HGF: variants seen among roughly 807,000 people sequenced by gnomAD.
HGF encodes the protein hepatocyte growth factor, also known as fibroblast-derived tumor cytotoxic factor.
HGF carries 39 observed loss-of-function variants against 111.6 expected under a neutral mutation model. The observed-to-expected ratio is 0.35, with a 90% CI of 0.27 to 0.46. HGF has a LOEUF of 0.46. Among genes scored for constraint, HGF ranks in the 20% least tolerant of loss-of-function variants. The pLI, the probability that HGF is intolerant of heterozygous loss-of-function variation, is 1.00. For synonymous variants in HGF, 285 were observed against 294.8 expected, an observed-to-expected ratio of 0.97 and a Z score of 0.34; for missense variants, 735 against 910.5, an observed-to-expected ratio of 0.81 and a Z score of 2.48.
intron 1 of HGF, among the ~76,000 whole-genome samples, chr7:81,765,614 T>A (rs1258248959): frequency 6.6e-6 from 1 of 152,160 alleles, no homozygotes; most frequent in Admixed American, 6.5e-5. Flanking sequence ...AGCCAGTAAC[T>A]AATTACTCAA....
chr7:81,713,394 C>T (rs892042174), intron 11 of HGF, among the ~76,000 whole-genome samples: 24 of 151,878 alleles, frequency 1.6e-4, no homozygotes, highest in African/African-American at 5.6e-4. Flanking sequence ...GGTGTGGTGG[C>T]AGACACCTGT....
chr7:81,716,037 T>C (rs997211410), intron 11 of HGF, among the ~76,000 whole-genome samples: 1 of 152,176 alleles, frequency 6.6e-6, no homozygotes, highest in African/African-American at 2.4e-5. Flanking sequence ...CACAGCTTTA[T>C]AAAAAGGCTT....
In HGF at chr7:81,702,413, A is replaced by G. The variant is rs531222230; in HGVS notation, c.*168T>C. ...AACATTGACAAAATAACACTGACAAACAAAACAACAGAAAACACCCATAAA... is the reference window on the plus strand; with the variant it reads ...AACATTGACAAAATAACACTGACAAGCAAAACAACAGAAAACACCCATAAA... On this transcript the variant is annotated 3_prime_UTR_variant, in exon 18 of 18. Transcript: ENST00000222390. 1.6e-6 allele frequency: 1 copy of G among 609,584 alleles called. No individual in the cohort carries two copies. Among genetic ancestry groups the G allele is most frequent in the Non-Finnish European group, 2.9e-6 (1 of 344,344 alleles). 37.8% of individuals were successfully genotyped at this position (609,584 alleles called of 1,614,324 possible).
chr7:81,756,978 G>C, intron 4 of HGF: 1 of 588,404 alleles, frequency 1.7e-6, no homozygotes. Flanking sequence ...AGGCATTAAG[G>C]TAAGATATTG....
In HGF at chr7:81,700,697, A is replaced by C. The variant is rs2115731562; in HGVS notation, c.*1884T>G. ...TTCTTACTAAAATGGTGTATTATAT[A>C]AGGAAAATAGAAATACCATCAGATA... On this transcript the variant is annotated 3_prime_UTR_variant, in exon 18 of 18. Coordinates refer to ENST00000222390, the MANE Select transcript of HGF (RefSeq NM_000601.6). 1 of 151,758 alleles carries C rather than the reference A, an allele frequency of 6.6e-6. No individual in the cohort carries two copies. Among genetic ancestry groups the C allele is most frequent in the South Asian group, 2.1e-4 (1 of 4,824 alleles). The allele number at this position is 151,758 out of a possible 1,614,324, so 9.4% of individuals were successfully genotyped here.
At chr7:81,761,589 G>GAGTGGGAA (rs1163877094) in intron 2 of HGF, among the ~76,000 whole-genome samples, 2 of 151,680 alleles carry the variant, frequency 1.3e-5, no homozygotes, top group African/African-American at 4.8e-5. Flanking sequence ...GGGAGTGAAA[G>GAGTGGGAA]AGTGGGAAAT....
chr7:81,725,761 G>T, intron 9 of HGF, 129 bp downstream of exon 9: 2 of 1,033,316 alleles, frequency 1.9e-6, no homozygotes, highest in Non-Finnish European at 3.1e-6. Flanking sequence ...CTTCAAACTT[G>T]GTGATTTTGT....
chr7:81,755,733 G>A (rs1788736007), intron 4 of HGF: 1 of 417,626 alleles, frequency 2.4e-6, no homozygotes, highest in African/African-American at 2.1e-5. Flanking sequence ...TCTCAAAAGA[G>A]GACAAAACCA....
At chr7:81,765,007 G>A (rs1188777975) in intron 1 of HGF, among the ~76,000 whole-genome samples, 1 of 151,856 alleles carries the variant, frequency 6.6e-6, no homozygotes, top group Non-Finnish European at 1.5e-5. Context: ...AAATAGAAGA[G>A]TTTTATACAC....
intron 5 of HGF, chr7:81,751,758 AT>A: frequency 9.3e-7 from 1 of 1,078,486 alleles, no homozygotes; most frequent in Non-Finnish European, 1.1e-6. Context: ...TAGAATTAAC[AT>A]TGCTAATGAA....
chr7:81,767,083 C>T (rs963057448), intron 1 of HGF, among the ~76,000 whole-genome samples: 1 of 152,130 alleles, frequency 6.6e-6, no homozygotes, highest in African/African-American at 2.4e-5. Context: ...TGCTAAGATA[C>T]TGACTATTCT....
In HGF at chr7:81,769,726, A is replaced by T. The variant is rs563928806; in HGVS notation, c.88+158T>A. On this transcript the variant is annotated intron_variant, in intron 1 of 17. Coordinates refer to ENST00000222390, the MANE Select transcript of HGF (RefSeq NM_000601.6). ...CAAACAACAACAAAAAAGAATGTCA[A>T]AAAAAGCATAATGAGAGCTTTTAGA... Among the ~76,000 whole-genome samples the T allele has an allele frequency of 2.0e-5, 3 of 152,300 alleles. No homozygotes were observed. In the South Asian group the frequency reaches 6.2e-4, roughly 32 times the overall value.
intron 11 of HGF, among the ~76,000 whole-genome samples, chr7:81,716,943 G>A (rs1030378568): frequency 2.0e-5 from 3 of 152,096 alleles, no homozygotes; most frequent in Non-Finnish European, 4.4e-5. Context: ...AGTCATATTA[G>A]AACTGTGGCC....
chr7:81,722,845 G>GTATATA (rs144391393), intron 9 of HGF, among the ~76,000 whole-genome samples: 7 of 132,628 alleles, frequency 5.3e-5, no homozygotes, highest in Non-Finnish European at 7.7e-5. Context: ...ATTTAAAAAG[G>GTATATA]TATATATATA....
At position 81,702,135 on chromosome 7, in the gene HGF, T is replaced by A. The variant is rs935865465; in HGVS notation, c.*446A>T. The A allele has an allele frequency of 1.3e-5, 3 of 224,058 alleles. No homozygotes were observed. Among genetic ancestry groups the A allele is most frequent in the Non-Finnish European group, 1.8e-5 (2 of 111,750 alleles). 13.9% of individuals were successfully genotyped at this position (224,058 alleles called of 1,614,324 possible). The stretch of plus-strand genomic sequence containing the variant: ...ACTATAACATATAGCATATGAAATG[T>A]AATATAATTTAATATAGGGCTACAA... On this transcript the variant is annotated 3_prime_UTR_variant, in exon 18 of 18. Transcript: ENST00000222390.
At position 81,767,761 on chromosome 7, in the gene HGF, G is replaced by T. The variant is rs143816262; in HGVS notation, c.88+2123C>A. Among the ~76,000 whole-genome samples, 921 of 152,036 alleles carry T rather than the reference G, an allele frequency of 6.1e-3. 10 individuals are homozygous for T. The highest frequency in any genetic ancestry group is 0.046 in the South Asian group (221 of 4,818). Reference sequence around the variant, plus strand: ...GTATATACTTCTTTCCTAACAATGTGTTATTTTACAATACATACAAATATA... The same window carrying T: ...GTATATACTTCTTTCCTAACAATGTTTTATTTTACAATACATACAAATATA... On this transcript the variant is annotated intron_variant, in intron 1 of 17. Coordinates refer to ENST00000222390, the MANE Select transcript of HGF (RefSeq NM_000601.6).
chr7:81,769,820 T>C (rs985202338), intron 1 of HGF, 64 bp downstream of exon 1: 1 of 1,197,472 alleles, frequency 8.4e-7, no homozygotes, highest in African/African-American at 1.5e-5. Flanking sequence ...TTAAAAGGAA[T>C]AGGGAAGGTT....
chr7:81,723,785 A>G (rs1216561562), intron 9 of HGF, among the ~76,000 whole-genome samples: 2 of 150,804 alleles, frequency 1.3e-5, no homozygotes, highest in Non-Finnish European at 3.0e-5. Flanking sequence ...TAAGAGTAAC[A>G]TCTTTCATAT....
chr7:81,768,408 C>A (rs1239413567), intron 1 of HGF, among the ~76,000 whole-genome samples: 1 of 152,062 alleles, frequency 6.6e-6, no homozygotes, highest in African/African-American at 2.4e-5. Context: ...GAGATGGAGT[C>A]TTGCTCCGTT....
Sources: allele counts gnomAD v4.1 joint callset (sites outside exome capture counted in the v4.1 genomes callset), GRCh38; gene constraint gnomAD v4.1.1; transcripts MANE v1.5; gene names NCBI Gene and HGNC (gene_info 2026-07-23, HGNC 2026-07-21).